The following CCDC7 variants were observed in gnomAD, a reference collection of about 807,000 sequenced individuals.
The protein encoded by CCDC7 is coiled-coil domain-containing protein 7.
Under a neutral mutation model 196.9 loss-of-function variants are expected in CCDC7, and 183 were observed. The observed-to-expected ratio is 0.93, with a 90% confidence interval of 0.82 to 1.05. The LOEUF (loss-of-function observed/expected upper bound fraction) is 1.05, where lower values mean the gene tolerates loss of function less well. CCDC7 is among the 50% of genes least tolerant of loss of function. The pLI, the probability that CCDC7 is intolerant of heterozygous loss-of-function variation, is 0.00. For missense variants in CCDC7, 1,540 were observed against 1,482.2 expected (o/e 1.04, Z -0.64); for synonymous variants, 525 against 484.6 (o/e 1.08, Z -1.10).
intron 25 of CCDC7, among the ~76,000 whole-genome samples, chr10:32,720,390 G>C (rs570772738): frequency 6.6e-6 from 1 of 152,100 alleles, no homozygotes; most frequent in Admixed American, 6.6e-5. Context: ...TATGGGCACA[G>C]GGAGTGGAAC....
At chr10:32,770,209 G>T (rs1017279317) in intron 28 of CCDC7, among the ~76,000 whole-genome samples, 11 of 152,010 alleles carry the variant, frequency 7.2e-5, no homozygotes, top group Admixed American at 6.6e-5. Flanking sequence ...AGCAACGTTG[G>T]GTTGTTAACT....
chr10:32,766,859 T>C (rs2078389404), intron 28 of CCDC7, among the ~76,000 whole-genome samples: 1 of 152,058 alleles, frequency 6.6e-6, no homozygotes, highest in African/African-American at 2.4e-5. Context: ...CCCAGCCTAC[T>C]CTCTTCAGTA....
rs1464004027 is a variant in CCDC7 at position 32,682,268 on chromosome 10, CAT to C, written c.2123-3701_2123-3700del. ...AAGTGTACCCACTTACAAGAGAGAA[CAT>C]GTGGCATTTGGTTTTCTGTGCCTGT... On this transcript the variant is annotated intron_variant, in intron 21 of 41. Coordinates refer to ENST00000639629, the Ensembl canonical transcript of CCDC7. Among the ~76,000 whole-genome samples the C allele has an allele frequency of 6.6e-5, 10 of 152,318 alleles. No homozygotes were observed. In the East Asian group the frequency reaches 1.9e-3, roughly 29 times the overall value.
At chr10:32,880,961 T>C (rs1289973071), downstream of CCDC7, among the ~76,000 whole-genome samples, 6 of 152,172 alleles carry the variant, frequency 3.9e-5, no homozygotes, top group African/African-American at 1.2e-4. Context: ...TTAAATCAAA[T>C]TGTTAGTGTC....
chr10:32,670,721 T>C (rs1003631348), intron 21 of CCDC7, among the ~76,000 whole-genome samples: 1 of 152,136 alleles, frequency 6.6e-6, no homozygotes, highest in Non-Finnish European at 1.5e-5. Context: ...GGACGTGAAC[T>C]CATCATTTCA....
At chr10:32,573,064 G>A (rs886565261) in intron 16 of CCDC7, among the ~76,000 whole-genome samples, 1 of 151,864 alleles carries the variant, frequency 6.6e-6, no homozygotes, top group Non-Finnish European at 1.5e-5. Context: ...TTTTAGTAGA[G>A]ACGGGGTTTC....
At chr10:32,847,861 C>T (rs561984815) in exon 38 of CCDC7, 2 of 1,611,258 alleles carry the variant, frequency 1.2e-6, no homozygotes, top group East Asian at 2.2e-5. Context: ...TGACAAATGC[C>T]ATTGGTTCAA....
At chr10:32,817,777 A>G (rs2089111204) in intron 31 of CCDC7, among the ~76,000 whole-genome samples, 1 of 152,202 alleles carries the variant, frequency 6.6e-6, no homozygotes, top group Non-Finnish European at 1.5e-5. Flanking sequence ...CTTTACAGAC[A>G]AGCAAATGTT....
intron 5 of CCDC7, among the ~76,000 whole-genome samples, chr10:32,464,744 C>T (rs527589809): frequency 6.6e-6 from 1 of 152,286 alleles, no homozygotes; most frequent in African/African-American, 2.4e-5. Context: ...CTCCTGGATT[C>T]ATGCAATTCC....
At chr10:32,652,700 T>G (rs1436866254) in intron 20 of CCDC7, among the ~76,000 whole-genome samples, 1 of 152,112 alleles carries the variant, frequency 6.6e-6, no homozygotes, top group Non-Finnish European at 1.5e-5. Flanking sequence ...AACTTTATAC[T>G]TTACTCCTCA....
At chr10:32,561,016 C>A (rs985874581) in intron 13 of CCDC7, among the ~76,000 whole-genome samples, 2 of 142,992 alleles carry the variant, frequency 1.4e-5, no homozygotes, top group African/African-American at 5.1e-5. Context: ...GCAGGGATTG[C>A]AATCCTAGTC....
chr10:32,472,859 A>G (rs1327529515), intron 7 of CCDC7, among the ~76,000 whole-genome samples: 2 of 152,024 alleles, frequency 1.3e-5, no homozygotes, highest in Non-Finnish European at 2.9e-5. Flanking sequence ...GGCTCCTAAA[A>G]TGTTGGGATT....
chr10:32,597,349 G>A (rs1190910955), intron 18 of CCDC7, among the ~76,000 whole-genome samples: 10 of 152,042 alleles, frequency 6.6e-5, no homozygotes, highest in East Asian at 1.9e-4. Context: ...TGCAGTTCTC[G>A]TGCCATGGTT....
chr10:32,829,309 G>C (rs2091848011), intron 32 of CCDC7, among the ~76,000 whole-genome samples: 1 of 152,094 alleles, frequency 6.6e-6, no homozygotes. Context: ...AAGGCAAAGG[G>C]AATACAGAAT....
intron 26 of CCDC7, 83 bp downstream of exon 27, chr10:32,726,915 G>A: frequency 1.2e-6 from 1 of 829,342 alleles, no homozygotes; most frequent in Non-Finnish European, 1.8e-6. Context: ...TCCTGAATGT[G>A]TATTTTAGCA....
At chr10:32,459,031 T>C (rs2035005646) in intron 3 of CCDC7, among the ~76,000 whole-genome samples, 1 of 152,200 alleles carries the variant, frequency 6.6e-6, no homozygotes, top group Admixed American at 6.5e-5. Flanking sequence ...TATTTCTAGG[T>C]ATCTTATATA....
intron 18 of CCDC7, 131 bp from the exon 20 acceptor site, chr10:32,634,123 T>A (rs2065269779): frequency 2.6e-6 from 1 of 388,108 alleles, no homozygotes; most frequent in South Asian, 1.4e-4. Flanking sequence ...TCTATCTCAA[T>A]GGTAATTTAC....
chr10:32,851,828 C>T (rs1209095824), exon 40 of CCDC7: 16 of 1,611,582 alleles, frequency 9.9e-6, no homozygotes, highest in Non-Finnish European at 1.4e-5. Context: ...GAGTACTCTT[C>T]ACCCTATGTG....
chr10:32,450,581 A>G (rs866463889), upstream of CCDC7, among the ~76,000 whole-genome samples: 1 of 152,160 alleles, frequency 6.6e-6, no homozygotes, highest in Admixed American at 6.5e-5. Context: ...TACTCTTAAC[A>G]CTATTTGGGA....
Sources: gnomAD v4.1 joint callset for allele counts (sites outside exome capture counted in the v4.1 genomes callset) on GRCh38, gnomAD v4.1.1 for gene constraint, MANE v1.5 for transcripts, NCBI Gene and HGNC (gene_info 2026-07-23, HGNC 2026-07-21) for gene names.